Variants in CDH13 observed in about 807,000 individuals in gnomAD.
The protein encoded by CDH13 is cadherin-13.
In CDH13, 24 loss-of-function variants were observed where a neutral mutation model predicts 63.8. That is an observed-to-expected ratio of 0.38 (90% CI 0.27 to 0.53). CDH13 has a LOEUF of 0.53. Ranked by LOEUF, CDH13 falls within the 20% of genes least tolerant of loss-of-function variation. The pLI is 0.85. For missense variants in CDH13, 1,049 were observed against 903.1 expected, an observed-to-expected ratio of 1.16 and a Z score of -2.07; for synonymous variants, 503 against 355.3, an observed-to-expected ratio of 1.42 and a Z score of -4.67.
Position 83,370,686 on chromosome 16 carries a change from G to T in CDH13, c.781+25680G>T, listed in dbSNP as rs548950547. ...CCTTCTTCGTGTTCTTGTGTACTCA[G>T]TGTTTAGCTCCCACTTATAAATGAG... is the stretch of plus-strand genomic sequence containing the variant. On this transcript the variant is annotated intron_variant, in intron 6 of 13. Transcript: ENST00000567109. 4.2e-4 allele frequency among the ~76,000 whole-genome samples: 64 copies of T among 152,252 alleles called. No individual in the cohort carries two copies. The Middle Eastern group carries it at 0.01, about 24-fold the overall frequency.
rs150415511 is a variant in CDH13 at position 82,885,760 on chromosome 16, C to T, written c.157+27287C>T. On this transcript the variant is annotated intron_variant, in intron 2 of 13. Transcript: ENST00000567109. The stretch of plus-strand genomic sequence containing the variant: ...TCAAATTCTGTCTGTATGTATCATG[C>T]ACTTTCTATGTAACCTTGGGCACGT... Among the ~76,000 whole-genome samples the T allele has an allele frequency of 2.6e-5, 4 of 152,304 alleles. No individual in the cohort carries two copies. In the East Asian group the frequency reaches 5.8e-4, roughly 22 times the overall value.
At chr16:82,663,853 T>C (rs932706838) in intron 1 of CDH13, among the ~76,000 whole-genome samples, 3 of 152,176 alleles carry the variant, frequency 2.0e-5, no homozygotes, top group African/African-American at 7.2e-5. Flanking sequence ...TTACATACTA[T>C]GTGAATATAG....
intron 7 of CDH13, among the ~76,000 whole-genome samples, chr16:83,575,157 C>T (rs1467901724): frequency 6.6e-6 from 1 of 152,118 alleles, no homozygotes; most frequent in Non-Finnish European, 1.5e-5. Flanking sequence ...AAAATGAAGG[C>T]AGATGGTGAC....
intron 2 of CDH13, among the ~76,000 whole-genome samples, chr16:82,969,046 G>T (rs1412040615): frequency 6.6e-6 from 1 of 152,150 alleles, no homozygotes; most frequent in Non-Finnish European, 1.5e-5. Flanking sequence ...GGCAGAAGTT[G>T]CAGTAAGCCA....
intron 8 of CDH13, among the ~76,000 whole-genome samples, chr16:83,606,671 G>A (rs1211567603): frequency 6.8e-6 from 1 of 146,792 alleles, no homozygotes; most frequent in African/African-American, 2.6e-5. Flanking sequence ...AGACAGCAGT[G>A]AGTCATGATC....
intron 3 of CDH13, among the ~76,000 whole-genome samples, chr16:83,081,621 G>C (rs2033256483): frequency 6.6e-6 from 1 of 152,060 alleles, no homozygotes; most frequent in Non-Finnish European, 1.5e-5. Context: ...GCAGGGTAGG[G>C]TTTTTGGGGA....
chr16:82,676,120 C>A (rs1357829155), intron 1 of CDH13, among the ~76,000 whole-genome samples: 1 of 152,202 alleles, frequency 6.6e-6, no homozygotes, highest in East Asian at 1.9e-4. Flanking sequence ...TCACAATGAT[C>A]TCATCCATGT....
intron 2 of CDH13, among the ~76,000 whole-genome samples, chr16:82,940,796 C>G (rs1904278176): frequency 6.6e-6 from 1 of 152,108 alleles, no homozygotes; most frequent in Non-Finnish European, 1.5e-5. Context: ...TAAAGGGAAC[C>G]CTTATTTGAG....
chr16:83,116,507 T>G (rs1024898324), intron 3 of CDH13, among the ~76,000 whole-genome samples: 1 of 152,220 alleles, frequency 6.6e-6, no homozygotes, highest in Non-Finnish European at 1.5e-5. Flanking sequence ...CTGTTTAGTC[T>G]TCACATCAGC....
intron 5 of CDH13, among the ~76,000 whole-genome samples, chr16:83,287,653 A>G (rs929684089): frequency 1.3e-5 from 2 of 152,210 alleles, no homozygotes; most frequent in Non-Finnish European, 2.9e-5. Context: ...CACTGATTCT[A>G]CATTATGATG....
chr16:82,948,813 A>G (rs147709657), intron 2 of CDH13, among the ~76,000 whole-genome samples: 51 of 152,298 alleles, frequency 3.3e-4, no homozygotes, highest in African/African-American at 4.8e-4. Flanking sequence ...AATGTAACCA[A>G]TGTTCAAATA....
chr16:82,944,244 G>A (rs7190176), intron 2 of CDH13, among the ~76,000 whole-genome samples: 44,043 of 152,032 alleles, frequency 0.29, 7,515 homozygotes, highest in African/African-American at 0.47. Context: ...CATGGGATTT[G>A]GTTTTATGAC....
intron 2 of CDH13, among the ~76,000 whole-genome samples, chr16:83,031,798 T>G (rs9888896): frequency 6.6e-6 from 1 of 152,006 alleles, no homozygotes; most frequent in Admixed American, 6.6e-5. Flanking sequence ...GCCTGGAACA[T>G]GCGAGTTCGT....
chr16:82,739,398 T>G lies in CDH13; in HGVS notation c.45+112261T>G, dbSNP rs1462842607. On this transcript the variant is annotated intron_variant, in intron 1 of 13. Coordinates refer to ENST00000567109, the MANE Select transcript of CDH13 (RefSeq NM_001257.5). The stretch of plus-strand genomic sequence containing the variant: ...AATTCAAATTTAGAAGCTTTCTTAG[T>G]CCCTGAGTCTTATTCCACTTCAGAC... 2.6e-5 allele frequency among the ~76,000 whole-genome samples: 4 copies of G among 152,202 alleles called. No individual in the cohort carries two copies. In the South Asian group the frequency reaches 6.2e-4, roughly 24 times the overall value.
intron 3 of CDH13, among the ~76,000 whole-genome samples, chr16:83,041,873 A>G (rs949815048): frequency 2.6e-5 from 4 of 152,238 alleles, no homozygotes; most frequent in Non-Finnish European, 5.9e-5. Context: ...GTCATGCTTC[A>G]TTCAGTGCCT....
intron 7 of CDH13, among the ~76,000 whole-genome samples, chr16:83,512,051 G>T (rs1311157805): frequency 1.3e-5 from 2 of 152,256 alleles, no homozygotes; most frequent in East Asian, 3.9e-4. Context: ...GCCAGGCGCG[G>T]TGGCTCACGC....
chr16:83,345,079 G>C, intron 6 of CDH13, 73 bp downstream of exon 6: 1 of 1,544,336 alleles, frequency 6.5e-7, no homozygotes. Flanking sequence ...GGATTCTAGG[G>C]ACTGTCTTAT....
At chr16:82,894,315 G>A (rs2041176579) in intron 2 of CDH13, among the ~76,000 whole-genome samples, 2 of 152,160 alleles carry the variant, frequency 1.3e-5, no homozygotes, top group African/African-American at 4.8e-5. Context: ...CAGGCCCCAA[G>A]GCAACTGACA....
Position 83,401,287 on chromosome 16 carries a change from C to T in CDH13, c.781+56281C>T, listed in dbSNP as rs1435618991. Among the ~76,000 whole-genome samples the T allele has an allele frequency of 6.7e-5, 10 of 150,098 alleles. No individual in the cohort carries two copies. In the East Asian group the frequency reaches 7.8e-4, roughly 12 times the overall value. ...CCAGGAGGCAGAGGTTGCAGTAAGCCGAGATCACGCCATTGCACTCCAGCC... is the reference window on the plus strand; with the variant it reads ...CCAGGAGGCAGAGGTTGCAGTAAGCTGAGATCACGCCATTGCACTCCAGCC... On this transcript the variant is annotated intron_variant, in intron 6 of 13. Coordinates refer to ENST00000567109, the MANE Select transcript of CDH13 (RefSeq NM_001257.5).
Sources: gnomAD v4.1 joint callset for allele counts (sites outside exome capture counted in the v4.1 genomes callset) on GRCh38, gnomAD v4.1.1 for gene constraint, MANE v1.5 for transcripts, NCBI Gene and HGNC (gene_info 2026-07-23, HGNC 2026-07-21) for gene names.